The following ADGRB3 variants were observed in gnomAD, a reference collection of about 807,000 sequenced individuals.
The protein encoded by ADGRB3 is adhesion G protein-coupled receptor B3.
Under a neutral mutation model 193.4 loss-of-function variants are expected in ADGRB3, and 37 were observed. The observed-to-expected ratio is 0.19, with a 90% CI of 0.15 to 0.25. The LOEUF (loss-of-function observed/expected upper bound fraction) is 0.25. Among genes scored for constraint, ADGRB3 ranks in the 10% least tolerant of loss-of-function variants. ADGRB3 has a pLI of 1.00. For missense variants in ADGRB3, 1,637 were observed against 1,852.9 expected (o/e 0.88, Z 2.14); for synonymous variants, 690 against 644.2 (o/e 1.07, Z -1.08).
At chr6:68,788,049 T>A (rs55792962) in intron 3 of ADGRB3, among the ~76,000 whole-genome samples, 9 of 152,170 alleles carry the variant, frequency 5.9e-5, no homozygotes, top group Non-Finnish European at 1.3e-4. Flanking sequence ...CTCTCTTTTC[T>A]TCTTTATTAG....
chr6:69,224,686 TC>T (rs1737488388), intron 17 of ADGRB3, among the ~76,000 whole-genome samples: 2 of 152,156 alleles, frequency 1.3e-5, no homozygotes, highest in Non-Finnish European at 1.5e-5. Context: ...ATATAATTGA[TC>T]CATGAACTAA....
chr6:69,217,053 A>G (rs983863352), intron 17 of ADGRB3, among the ~76,000 whole-genome samples: 11 of 152,208 alleles, frequency 7.2e-5, no homozygotes, highest in Non-Finnish European at 1.2e-4. Flanking sequence ...CAATAGGGGT[A>G]TATAAATCAT....
At chr6:68,730,278 T>C (rs1277512995) in intron 3 of ADGRB3, among the ~76,000 whole-genome samples, 5 of 151,642 alleles carry the variant, frequency 3.3e-5, no homozygotes, top group African/African-American at 9.7e-5. Context: ...AAGAGGTTGA[T>C]GAACCATCGT....
intron 3 of ADGRB3, among the ~76,000 whole-genome samples, chr6:68,807,601 C>T (rs2127374079): frequency 6.6e-6 from 1 of 152,072 alleles, no homozygotes; most frequent in East Asian, 1.9e-4. Flanking sequence ...GTCACTTGAT[C>T]ATAAATTCCA....
chr6:69,061,578 T>C (rs1771750804), intron 15 of ADGRB3, among the ~76,000 whole-genome samples: 1 of 152,044 alleles, frequency 6.6e-6, no homozygotes, highest in African/African-American at 2.4e-5. Flanking sequence ...ATGTGTATGG[T>C]AATTATTTAT....
At chr6:68,790,207 C>T (rs984799521) in intron 3 of ADGRB3, among the ~76,000 whole-genome samples, 6 of 152,116 alleles carry the variant, frequency 3.9e-5, no homozygotes, top group Admixed American at 6.5e-5. Flanking sequence ...CCAACAGAGA[C>T]AAAATTGCTA....
At chr6:69,237,153 A>G (rs1766281670) in intron 19 of ADGRB3, among the ~76,000 whole-genome samples, 1 of 152,054 alleles carries the variant, frequency 6.6e-6, no homozygotes, top group Non-Finnish European at 1.5e-5. Context: ...ATCCTTGCTT[A>G]CTAGAAGGAT....
chr6:69,082,629 T>C (rs186005583), intron 17 of ADGRB3, among the ~76,000 whole-genome samples: 5 of 152,294 alleles, frequency 3.3e-5, no homozygotes, highest in Admixed American at 2.0e-4. Context: ...TTACTTTTGA[T>C]CTGGTAAATT....
chr6:68,746,276 G>A (rs1766082320), intron 3 of ADGRB3, among the ~76,000 whole-genome samples: 2 of 151,682 alleles, frequency 1.3e-5, no homozygotes, highest in South Asian at 4.2e-4. Context: ...TTCCTAGTGA[G>A]GTGAGAAGCT....
At chr6:68,722,361 G>T (rs536584492) in intron 3 of ADGRB3, among the ~76,000 whole-genome samples, 1 of 151,764 alleles carries the variant, frequency 6.6e-6, no homozygotes, top group African/African-American at 2.4e-5. Flanking sequence ...ATAGCATTAG[G>T]AGAAATACCT....
At chr6:69,260,046 C>CA (rs1049014810) in intron 20 of ADGRB3, among the ~76,000 whole-genome samples, 1 of 152,076 alleles carries the variant, frequency 6.6e-6, no homozygotes, top group Non-Finnish European at 1.5e-5. Context: ...TTTTAATACG[C>CA]AAAATTATGT....
intron 3 of ADGRB3, among the ~76,000 whole-genome samples, chr6:68,775,216 C>T (rs1235265440): frequency 6.6e-6 from 1 of 150,504 alleles, no homozygotes; most frequent in Non-Finnish European, 1.5e-5. Context: ...GTCTGCATTT[C>T]CCAGTGGCTC....
At chr6:68,641,852 A>G (rs1187797140) in intron 3 of ADGRB3, among the ~76,000 whole-genome samples, 1 of 151,960 alleles carries the variant, frequency 6.6e-6, no homozygotes, top group Non-Finnish European at 1.5e-5. Context: ...TCAATATTTG[A>G]TATTATGATA....
At chr6:69,111,295 A>G (rs1175747702) in intron 17 of ADGRB3, among the ~76,000 whole-genome samples, 1 of 152,226 alleles carries the variant, frequency 6.6e-6, no homozygotes, top group Non-Finnish European at 1.5e-5. Flanking sequence ...TACCTAGAGC[A>G]ACAGAATATG....
At chr6:68,951,043 C>A (rs1767903102) in intron 6 of ADGRB3, among the ~76,000 whole-genome samples, 1 of 152,154 alleles carries the variant, frequency 6.6e-6, no homozygotes, top group Admixed American at 6.6e-5. Flanking sequence ...AGGATCCCCA[C>A]AAGCCCCAGT....
intron 10 of ADGRB3, among the ~76,000 whole-genome samples, chr6:68,983,201 C>T (rs1768977021): frequency 6.6e-6 from 1 of 151,896 alleles, no homozygotes; most frequent in South Asian, 2.1e-4. Flanking sequence ...TATGAAATAT[C>T]TCTAATAAAT....
intron 26 of ADGRB3, among the ~76,000 whole-genome samples, chr6:69,351,145 G>A (rs1055107932): frequency 1.0e-4 from 15 of 150,436 alleles, no homozygotes; most frequent in Non-Finnish European, 1.6e-4. Flanking sequence ...CCAGGCTGGA[G>A]TACAATGGCA....
At chr6:68,941,912 A>G (rs1335942456) in intron 5 of ADGRB3, among the ~76,000 whole-genome samples, 1 of 149,848 alleles carries the variant, frequency 6.7e-6, no homozygotes, top group East Asian at 1.9e-4. Flanking sequence ...AGCTAAATAT[A>G]GACTTACTTT....
chr6:68,953,321 A>T (rs6940312), intron 6 of ADGRB3, among the ~76,000 whole-genome samples: 34,777 of 152,062 alleles, frequency 0.23, 4,274 homozygotes, highest in South Asian at 0.37. Flanking sequence ...GCTTAGCAGC[A>T]CCTAATTCAC....
Sources: allele counts gnomAD v4.1 joint callset (sites outside exome capture counted in the v4.1 genomes callset), GRCh38; gene constraint gnomAD v4.1.1; transcripts MANE v1.5; gene names NCBI Gene and HGNC (gene_info 2026-07-23, HGNC 2026-07-21).